The following SCIN variants were observed in gnomAD, a reference collection of about 807,000 sequenced individuals.
SCIN encodes the protein adseverin.
A neutral mutation model predicts 91.8 loss-of-function variants in SCIN; 91 were observed. The ratio of observed to expected loss-of-function variants is 0.99; its 90% CI spans 0.84 to 1.18. The LOEUF is 1.18. Ranked by LOEUF, SCIN falls within the 50% of genes most tolerant of loss-of-function variation. The pLI is 0.00. For missense variants in SCIN, 1,087 were observed against 863.9 expected (o/e 1.26, Z -3.24); for synonymous variants, 367 against 312.6 (o/e 1.17, Z -1.84).
At chr7:12,576,647 C>A (rs914982940) in intron 1 of SCIN, among the ~76,000 whole-genome samples, 4 of 152,142 alleles carry the variant, frequency 2.6e-5, no homozygotes, top group African/African-American at 7.2e-5. Context: ...AAAATACCCA[C>A]AAGTGTACTG....
In SCIN at chr7:12,625,624, C is replaced by T. The variant is rs975658004; in HGVS notation, c.893-138C>T. On this transcript the variant is annotated intron_variant, in intron 6 of 15. Transcript: ENST00000297029. ...GATTACAGGCGTGAGCCACCGCACCCGGCCAATTTTGCTATTCTTTCACTG... is the reference window on the plus strand; with the variant it reads ...GATTACAGGCGTGAGCCACCGCACCTGGCCAATTTTGCTATTCTTTCACTG... The T allele has an allele frequency of 3.0e-5, 20 of 658,096 alleles. 1 individual carries two copies. The highest frequency in any genetic ancestry group is 7.5e-5 in the African/African-American group (4 of 53,246). 40.8% of individuals were successfully genotyped at this position (658,096 alleles called of 1,614,324 possible).
Position 12,613,031 on chromosome 7 carries a change from A to G in SCIN, c.666+8368A>G, listed in dbSNP as rs552649737. On this transcript the variant is annotated intron_variant, in intron 4 of 15. Coordinates refer to ENST00000297029, the MANE Select transcript of SCIN (RefSeq NM_001112706.3). ...AATATCAATAGACTCTGTAAATAGGATAATGCAGTTCCAAGACAGATGGAT... is the reference window on the plus strand; with the variant it reads ...AATATCAATAGACTCTGTAAATAGGGTAATGCAGTTCCAAGACAGATGGAT... Among the ~76,000 whole-genome samples, 386 of 152,250 alleles carry G rather than the reference A, an allele frequency of 2.5e-3. 2 individuals carry two copies. The highest frequency in any genetic ancestry group is 8.6e-3 in the African/African-American group (359 of 41,560).
chr7:12,613,808 C>G (rs1783244774), intron 4 of SCIN, among the ~76,000 whole-genome samples: 1 of 152,052 alleles, frequency 6.6e-6, no homozygotes, highest in South Asian at 2.1e-4. Context: ...ATGGTTTCTT[C>G]ATGTAAATAT....
rs534880230 is a variant in SCIN, at chr7:12,600,197, G to C, written c.517-4317G>C. Among the ~76,000 whole-genome samples the C allele has an allele frequency of 2.6e-5, 4 of 152,112 alleles. No homozygotes were observed. In the East Asian group the frequency reaches 7.7e-4, roughly 29 times the overall value. ...AAAGAGGAACGAAATAATGGCATTC[G>C]CATGCACCTTGGATAGAATTGGAGA... On this transcript the variant is annotated intron_variant, in intron 3 of 15. Transcript: ENST00000297029.
chr7:12,613,211 A>T (rs1783233517), intron 4 of SCIN, among the ~76,000 whole-genome samples: 1 of 152,156 alleles, frequency 6.6e-6, no homozygotes, highest in African/African-American at 2.4e-5. Context: ...ATTTAAAAAA[A>T]ACTAACAGAC....
At position 12,651,926 on chromosome 7, in the gene SCIN, T is replaced by C. The variant is rs750568457; in HGVS notation, c.2020+25T>C. The C allele has an allele frequency of 1.7e-5, 26 of 1,534,790 alleles. No individual in the cohort carries two copies. The South Asian group carries it at 2.8e-4, about 16-fold the overall frequency. On this transcript the variant is annotated intron_variant, in intron 15 of 15. Coordinates refer to ENST00000297029, the MANE Select transcript of SCIN (RefSeq NM_001112706.3). The surrounding 1 kb of genome is among the most constrained non-coding windows in gnomAD (Gnocchi z 5.9). ...GGTAAGCTCAATCGATGGACCATTA[T>C]AGCAGTAACCGGGCACCATTATGAC...
intron 13 of SCIN, among the ~76,000 whole-genome samples, chr7:12,645,018 TAA>T (rs35352647): frequency 1.0e-3 from 98 of 93,746 alleles, no homozygotes; most frequent in Non-Finnish European, 1.5e-3. Context: ...AAAACTCCGT[TAA>T]AAAAAAAAAA....
chr7:12,599,814 C>G (rs1782921403), intron 3 of SCIN, among the ~76,000 whole-genome samples: 1 of 151,984 alleles, frequency 6.6e-6, no homozygotes, highest in Non-Finnish European at 1.5e-5. Context: ...ATTTATGTAT[C>G]TTCTTCTCAG....
chr7:12,583,426 C>T (rs1782528029), intron 3 of SCIN, among the ~76,000 whole-genome samples: 1 of 152,174 alleles, frequency 6.6e-6, no homozygotes, highest in South Asian at 2.1e-4. Context: ...GTGCAAGTCA[C>T]TCCACATTCA....
intron 8 of SCIN, among the ~76,000 whole-genome samples, chr7:12,628,555 G>A (rs1783577165): frequency 6.6e-6 from 1 of 152,066 alleles, no homozygotes; most frequent in South Asian, 2.1e-4. Context: ...CCTCCCAAAG[G>A]TCCCACCTCC....
intron 9 of SCIN, among the ~76,000 whole-genome samples, chr7:12,632,224 G>A (rs574752345): frequency 6.6e-6 from 1 of 151,532 alleles, no homozygotes; most frequent in East Asian, 1.9e-4. Flanking sequence ...TCCGCCTCCC[G>A]GGTTCAAGCT....
At chr7:12,626,960 C>T (rs535033859) in intron 8 of SCIN, among the ~76,000 whole-genome samples, 161 bp downstream of exon 8, 3 of 152,078 alleles carry the variant, frequency 2.0e-5, no homozygotes, top group Non-Finnish European at 4.4e-5. Flanking sequence ...TGTGATGGAG[C>T]TCGCCCATAG....
At position 12,652,743 on chromosome 7, in the gene SCIN, A is replaced by T; in HGVS notation, c.*28A>T. ...TGGTATTTGTAAAAAGCAAACAAACATTACAAGGCAGTTATCTCATTGCTG... is the reference window on the plus strand; with the variant it reads ...TGGTATTTGTAAAAAGCAAACAAACTTTACAAGGCAGTTATCTCATTGCTG... On this transcript the variant is annotated 3_prime_UTR_variant, in exon 16 of 16. Transcript: ENST00000297029. The T allele has an allele frequency of 6.3e-7, 1 of 1,590,424 alleles. No homozygotes were observed. Among genetic ancestry groups the T allele is most frequent in the South Asian group, 1.2e-5 (1 of 86,782 alleles).
Position 12,570,763 on chromosome 7 carries a change from C to G in SCIN, c.-24C>G, listed in dbSNP as rs912073060. On this transcript the variant is annotated 5_prime_UTR_variant, in exon 1 of 16. Transcript: ENST00000297029. Reference sequence around the variant, plus strand: ...CCAAGATCAGCGATATCACGCGTCCCCCGGAGCATCGCGTGCAGGAGCCAT... The same window carrying G: ...CCAAGATCAGCGATATCACGCGTCCGCCGGAGCATCGCGTGCAGGAGCCAT... 4.5e-6 allele frequency: 7 copies of G among 1,547,082 alleles called. 1 individual carries two copies. Among genetic ancestry groups the G allele is most frequent in the Non-Finnish European group, 6.1e-6 (7 of 1,144,992 alleles).
chr7:12,587,611 G>T (rs2115222259), intron 3 of SCIN, among the ~76,000 whole-genome samples: 1 of 152,236 alleles, frequency 6.6e-6, no homozygotes, highest in Middle Eastern at 3.4e-3. Context: ...GTTTTTCCCA[G>T]ACTACCCTAG....
chr7:12,589,219 T>A (rs1782663158), intron 3 of SCIN: 2 of 148,484 alleles, frequency 1.3e-5, no homozygotes, highest in Admixed American at 1.3e-4. Flanking sequence ...CAGCAGCTTT[T>A]TTTTTTTTTT....
At chr7:12,631,144 C>G (rs559966278) in intron 9 of SCIN, among the ~76,000 whole-genome samples, 1 of 152,306 alleles carries the variant, frequency 6.6e-6, no homozygotes, top group South Asian at 2.1e-4. Context: ...TAGAATAAAT[C>G]AGGTTACAAA....
chr7:12,571,358 C>G (rs1375532439), intron 1 of SCIN: 3 of 353,636 alleles, frequency 8.5e-6, no homozygotes, highest in Non-Finnish European at 1.6e-5. Context: ...CGCTCACCTT[C>G]CGACAAACTC....
intron 4 of SCIN, among the ~76,000 whole-genome samples, chr7:12,615,616 C>A (rs562826949): frequency 6.6e-6 from 1 of 152,090 alleles, no homozygotes; most frequent in African/African-American, 2.4e-5. Flanking sequence ...AACTGGCTTA[C>A]CCCTTTGTTT....
Sources: allele counts gnomAD v4.1 joint callset (sites outside exome capture counted in the v4.1 genomes callset), GRCh38; gene constraint gnomAD v4.1.1; non-coding constraint Gnocchi (gnomAD v3.1); transcripts MANE v1.5; gene names NCBI Gene and HGNC (gene_info 2026-07-23, HGNC 2026-07-21).